KANSL1: variants seen among roughly 807,000 people sequenced by gnomAD.
KANSL1 encodes the protein KAT8 regulatory NSL complex subunit 1.
In KANSL1, 22 loss-of-function variants were observed where a neutral mutation model predicts 103.6. The observed-to-expected ratio is 0.21, with a 90% CI of 0.15 to 0.30. The LOEUF (loss-of-function observed/expected upper bound fraction) is 0.30. KANSL1 is among the 10% of genes least tolerant of loss of function. The probability of loss-of-function intolerance (pLI) is 1.00; values close to 1 mark genes in which losing one functional copy is unlikely to be tolerated. For missense variants in KANSL1, 1,337 were observed against 1,399.8 expected (o/e 0.96, Z 0.72); for synonymous variants, 600 against 527.6 (o/e 1.14, Z -1.88).
rs763633500 is a variant in KANSL1 at position 46,172,042 on chromosome 17, G to T, written c.102C>A (p.Ala34=). 3 of 1,614,208 alleles carry T rather than the reference G, an allele frequency of 1.9e-6. No individual in the cohort carries two copies. The highest frequency in any genetic ancestry group is 1.7e-6 in the Non-Finnish European group (2 of 1,180,056). The change falls in exon 2 of 15, where the codon GCC becomes GCA. Residue 34 remains alanine (A), a synonymous_variant. Coordinates refer to ENST00000432791, the MANE Select transcript of KANSL1 (RefSeq NM_015443.4). The part of the protein sequence containing the change: ...PPSSTLSPGS[A]ENNGNANILI... ...GGATGTTGGCGTTGCCGTTATTTTC[G>T]GCACTGCCAGGGGACAAGGTAGAGG...
At chr17:46,064,959 GTT>G (rs908656441) in intron 6 of KANSL1, among the ~76,000 whole-genome samples, 1 of 151,106 alleles carries the variant, frequency 6.6e-6, no homozygotes, top group Non-Finnish European at 1.5e-5. Context: ...GTATACGTGT[GTT>G]TTTTTTGTTT....
At chr17:46,059,071 A>G (rs1209786248) in intron 6 of KANSL1, among the ~76,000 whole-genome samples, 3 of 145,996 alleles carry the variant, frequency 2.1e-5, no homozygotes, top group Non-Finnish European at 4.5e-5. Context: ...AGAAAGAAAG[A>G]AAAAAAAAAG....
intron 2 of KANSL1, among the ~76,000 whole-genome samples, chr17:46,156,041 T>C (rs2045409407): frequency 6.6e-6 from 1 of 152,004 alleles, no homozygotes; most frequent in South Asian, 2.1e-4. Flanking sequence ...CTTCTCCTCC[T>C]AAGTAGTTTA....
intron 2 of KANSL1, among the ~76,000 whole-genome samples, chr17:46,160,385 C>T (rs117319569): frequency 0.033 from 4,991 of 152,126 alleles, 126 homozygotes; most frequent in Non-Finnish European, 0.05. Context: ...GCAACCTCTA[C>T]CTCCCAGGCT....
At chr17:46,037,026 A>G (rs1200395721) in intron 10 of KANSL1, among the ~76,000 whole-genome samples, 3 of 152,178 alleles carry the variant, frequency 2.0e-5, no homozygotes, top group African/African-American at 7.2e-5. Context: ...ATCTTCTTTT[A>G]CATAAATCCA....
At chr17:46,047,633 G>C (rs1324963217) in intron 7 of KANSL1, among the ~76,000 whole-genome samples, 1 of 151,726 alleles carries the variant, frequency 6.6e-6, no homozygotes, top group Non-Finnish European at 1.5e-5. Flanking sequence ...GGGGCGGGAG[G>C]CGGGGAAGCA....
chr17:46,148,791 G>A (rs1359497019), intron 2 of KANSL1, among the ~76,000 whole-genome samples: 1 of 150,730 alleles, frequency 6.6e-6, no homozygotes, highest in Non-Finnish European at 1.5e-5. Flanking sequence ...TAACCATGTT[G>A]GCCAGGCTGG....
intron 2 of KANSL1, among the ~76,000 whole-genome samples, chr17:46,166,618 T>C (rs932674086): frequency 6.6e-6 from 1 of 152,204 alleles, no homozygotes; most frequent in Non-Finnish European, 1.5e-5. Context: ...ATAGTCTATT[T>C]TTACCCAACC....
chr17:46,157,393 G>C (rs147651869), intron 2 of KANSL1, among the ~76,000 whole-genome samples: 2 of 152,332 alleles, frequency 1.3e-5, no homozygotes, highest in East Asian at 3.9e-4. Context: ...ATCTCATCTA[G>C]TAATACCATC....
chr17:46,154,651 C>T (rs1013182267), intron 2 of KANSL1, among the ~76,000 whole-genome samples: 3 of 152,206 alleles, frequency 2.0e-5, no homozygotes, highest in African/African-American at 7.2e-5. Context: ...AGTGGTCTGA[C>T]TCACCAAACC....
chr17:46,032,963 T>C lies in KANSL1; in HGVS notation c.2837+117A>G, dbSNP rs958326741. On this transcript the variant is annotated intron_variant, in intron 13 of 14. Coordinates refer to ENST00000432791, the MANE Select transcript of KANSL1 (RefSeq NM_015443.4). Reference sequence around the variant, plus strand: ...ATTCTGAGCTATTTGCCACTGCCAGTAGATGAGTATGATGAGCAACCAAGA... The same window carrying C: ...ATTCTGAGCTATTTGCCACTGCCAGCAGATGAGTATGATGAGCAACCAAGA... 41 of 727,032 alleles carry C rather than the reference T, an allele frequency of 5.6e-5. No individual in the cohort carries two copies. In the African/African-American group the frequency reaches 6.9e-4, roughly 12 times the overall value. 45.0% of individuals were successfully genotyped at this position (727,032 alleles called of 1,614,324 possible). A position where few individuals can be genotyped will look rare whatever the true frequency, so the allele number is the denominator to read the frequency against.
intron 7 of KANSL1, among the ~76,000 whole-genome samples, chr17:46,046,330 T>C (rs755249072): frequency 3.0e-4 from 45 of 150,820 alleles, no homozygotes; most frequent in Non-Finnish European, 4.6e-4. Context: ...GCCCAAGAGT[T>C]TGAGACCAGC....
intron 14 of KANSL1, 60 bp from the exon 15 acceptor site, chr17:46,031,763 A>T: frequency 6.9e-7 from 1 of 1,448,422 alleles, no homozygotes; most frequent in East Asian, 2.4e-5. Context: ...TTCCTGCTCC[A>T]AGGCCCTGCC....
intron 5 of KANSL1, among the ~76,000 whole-genome samples, chr17:46,067,301 A>G (rs555409307): frequency 6.6e-6 from 1 of 152,388 alleles, no homozygotes; most frequent in African/African-American, 2.4e-5. Flanking sequence ...GATTAAAACA[A>G]TAATAATTCA....
chr17:46,096,042 G>A (rs62061796), intron 2 of KANSL1, among the ~76,000 whole-genome samples: 21,624 of 151,724 alleles, frequency 0.14, 2,124 homozygotes, highest in Non-Finnish European at 0.22. Flanking sequence ...TATATTGCTG[G>A]TAACAGTTAA....
intron 2 of KANSL1, among the ~76,000 whole-genome samples, chr17:46,124,455 T>C (rs997405687): frequency 6.6e-6 from 1 of 152,240 alleles, no homozygotes; most frequent in Admixed American, 6.5e-5. Flanking sequence ...TACAAGGATA[T>C]AAATCCTGTT....
At chr17:46,098,139 C>G (rs2146980933) in intron 2 of KANSL1, among the ~76,000 whole-genome samples, 1 of 149,958 alleles carries the variant, frequency 6.7e-6, no homozygotes, top group South Asian at 2.1e-4. Flanking sequence ...CAATAAGAAA[C>G]TAGGGATCAT....
chr17:46,114,470 G>C (rs976660531), intron 2 of KANSL1, among the ~76,000 whole-genome samples: 1 of 152,198 alleles, frequency 6.6e-6, no homozygotes, highest in Non-Finnish European at 1.5e-5. Context: ...CTAACATGCA[G>C]AACTAAAACT....
upstream of KANSL1, chr17:46,196,441 T>A: frequency 2.2e-6 from 1 of 456,170 alleles, no homozygotes; most frequent in South Asian, 1.5e-5. Flanking sequence ...GGTTCTTCAA[T>A]CCTAAAAATG....
Sources: gnomAD v4.1 joint callset for allele counts (sites outside exome capture counted in the v4.1 genomes callset) on GRCh38, gnomAD v4.1.1 for gene constraint, MANE v1.5 for transcripts, NCBI Gene and HGNC (gene_info 2026-07-23, HGNC 2026-07-21) for gene names.